Variants in THBS1 observed in about 807,000 individuals in gnomAD.
The protein encoded by THBS1 is thrombospondin 1.
Under a neutral mutation model 126.1 loss-of-function variants are expected in THBS1, and 29 were observed. The ratio of observed to expected loss-of-function variants is 0.23; its 90% CI spans 0.17 to 0.31. The LOEUF (loss-of-function observed/expected upper bound fraction) is 0.31, where lower values mean the gene tolerates loss of function less well. THBS1 is among the 10% of genes least tolerant of loss of function. The probability of loss-of-function intolerance (pLI) is 1.00; values close to 1 mark genes in which losing one functional copy is unlikely to be tolerated. For missense variants in THBS1, 1,198 were observed against 1,545.2 expected, an observed-to-expected ratio of 0.78 and a Z score of 3.77; for synonymous variants, 496 against 577.8, an observed-to-expected ratio of 0.86 and a Z score of 2.03.
chr15:39,595,439 T>C lies in THBS1; in HGVS notation c.*70T>C, dbSNP rs1388780608. 6.8e-7 allele frequency: 1 copy of C among 1,480,918 alleles called. No homozygotes were observed. Among genetic ancestry groups the C allele is most frequent in the Non-Finnish European group, 9.0e-7 (1 of 1,113,554 alleles). 91.7% of individuals were successfully genotyped at this position (1,480,918 alleles called of 1,614,324 possible). A position where few individuals can be genotyped will look rare whatever the true frequency, so the allele number is the denominator to read the frequency against. On this transcript the variant is annotated 3_prime_UTR_variant, in exon 22 of 22. Coordinates refer to ENST00000260356, the MANE Select transcript of THBS1 (RefSeq NM_003246.4). ...TATTGCACCTTCTGGAACTATGGGC[T>C]TGAGAAAACCCCCAGGATCACTTCT... is the stretch of plus-strand genomic sequence containing the variant.
At position 39,593,084 on chromosome 15, in the gene THBS1, A is replaced by G. The variant is rs773384231; in HGVS notation, c.2852A>G (p.Asp951Gly). The change falls in exon 18 of 22, where the codon GAC becomes GGC. Residue 951 changes from aspartate to glycine, a missense_variant. Physicochemically the swap from Asp to Gly is moderately conservative, Grantham distance 94. Around this residue, in one of 4 missense-constraint regions of THBS1, gnomAD observed 255 missense variants for 373.9 expected, o/e 0.68. Coordinates refer to ENST00000260356, the MANE Select transcript of THBS1 (RefSeq NM_003246.4). The surrounding 1 kb of genome is among the most constrained non-coding windows in gnomAD (Gnocchi z 5.9). ...DIDDICPENV[D>G]ISETDFRRFQ... ...GATGACATCTGTCCTGAGAATGTTG[A>G]CATCAGTGAGACCGATTTCCGCCGA... is the stretch of plus-strand genomic sequence containing the variant. The G allele has an allele frequency of 1.9e-6, 3 of 1,600,886 alleles. No homozygotes were observed. Among genetic ancestry groups the G allele is most frequent in the East Asian group, 2.2e-5 (1 of 44,852 alleles).
rs201837685 is a variant in THBS1 at position 39,588,604 on chromosome 15, G to A, written c.1550G>A (p.Arg517His). ...TCGGGVQKRS[R>H]LCNNPTPQFG... ...GGAGGAGGGGTACAGAAACGTAGTC[G>A]TCTCTGCAACAACCCCACACCCCAG... Residue 517 changes from arginine (R) to histidine (H), a missense_variant, in exon 10 of 22, where the codon CGT becomes CAT. Arg to His is a conservative substitution (Grantham distance 29, BLOSUM62 0). Transcript: ENST00000260356. 1.6e-4 allele frequency: 259 copies of A among 1,610,688 alleles called. No individual in the cohort carries two copies. The highest frequency in any genetic ancestry group is 3.1e-4 in the East Asian group (14 of 44,862).
At position 39,593,714 on chromosome 15, in the gene THBS1, G is replaced by A. The variant is rs1267629858; in HGVS notation, c.3267+46G>A. On this transcript the variant is annotated intron_variant, in intron 19 of 21. Coordinates refer to ENST00000260356, the MANE Select transcript of THBS1 (RefSeq NM_003246.4). This position sits in a 1 kb window ranked among gnomAD's most constrained non-coding sequence, Gnocchi z 5.9. ...ACAGAGAGAGAGCTTATGGGTGCCTGACTAGCACTGGGGATGCTGTGCTTT... is the reference window on the plus strand; with the variant it reads ...ACAGAGAGAGAGCTTATGGGTGCCTAACTAGCACTGGGGATGCTGTGCTTT... The A allele has an allele frequency of 1.3e-6, 2 of 1,597,646 alleles. No individual in the cohort carries two copies. The highest frequency in any genetic ancestry group is 2.2e-5 in the East Asian group (1 of 44,708).
At chr15:39,590,406 G>C in intron 13 of THBS1, 110 bp from the exon 14 acceptor site, 2 of 848,786 alleles carry the variant, frequency 2.4e-6, no homozygotes, top group East Asian at 5.4e-5. Flanking sequence ...TGCTGTTACT[G>C]AGCCAAATTC....
chr15:39,582,890 G>A, intron 3 of THBS1, 138 bp downstream of exon 3: 1 of 1,025,126 alleles, frequency 9.8e-7, no homozygotes, highest in Non-Finnish European at 1.4e-6. Flanking sequence ...TCACCTGGAG[G>A]GCTTGTGAAA....
At position 39,588,076 on chromosome 15, in the gene THBS1, G is replaced by A. The variant is rs35275624; in HGVS notation, c.1329G>A (p.Pro443=). 163,891 of 1,614,064 alleles carry A rather than the reference G, an allele frequency of 0.1. 9,422 individuals carry two copies. The highest frequency in any genetic ancestry group is 0.12 in the Non-Finnish European group (141,717 of 1,179,962). The part of the protein sequence containing the change: ...KQDGGWSHWS[P]WSSCSVTCGD... ...ATGGTGGCTGGAGCCACTGGTCCCCGTGGTCATCTTGTTCTGTGACATGTG... is the reference window on the plus strand; with the variant it reads ...ATGGTGGCTGGAGCCACTGGTCCCCATGGTCATCTTGTTCTGTGACATGTG... Residue 443 remains proline, a synonymous_variant, in exon 9 of 22, where the codon CCG becomes CCA. Transcript: ENST00000260356.
At chr15:39,587,213 A>G (rs1037624523) in intron 7 of THBS1, 134 bp from the exon 8 acceptor site, 1 of 744,336 alleles carries the variant, frequency 1.3e-6, no homozygotes, top group Non-Finnish European at 2.1e-6. Context: ...TGTCAATTAT[A>G]CCTCAGTAAA....
Position 39,581,131 on chromosome 15 carries a change from G to T in THBS1, c.-127G>T. On this transcript the variant is annotated 5_prime_UTR_variant, in exon 1 of 22. Coordinates refer to ENST00000260356, the MANE Select transcript of THBS1 (RefSeq NM_003246.4). The stretch of plus-strand genomic sequence containing the variant: ...GTTCAGGGCTCCTGTCGCTCTCCAG[G>T]AGCAACCTCTACTCCGGACGCACAG... 6.5e-6 allele frequency: 1 copy of T among 153,294 alleles called. No individual in the cohort carries two copies. Among genetic ancestry groups the T allele is most frequent in the South Asian group, 1.9e-4 (1 of 5,392 alleles). 9.5% of individuals were successfully genotyped at this position (153,294 alleles called of 1,614,324 possible).
rs747955621 is a variant in THBS1, at chr15:39,594,280, C to T, written c.3366-21C>T. On this transcript the variant is annotated intron_variant, in intron 20 of 21. Coordinates refer to ENST00000260356, the MANE Select transcript of THBS1 (RefSeq NM_003246.4). This position sits in a 1 kb window ranked among gnomAD's most constrained non-coding sequence, Gnocchi z 4.4. ...AGTATTAAATAGCATTGTCACTAAA[C>T]AAGATTTTTTTTCCCTGCAGAGTGG... 1.2e-6 allele frequency: 2 copies of T among 1,613,844 alleles called. No homozygotes were observed. Among genetic ancestry groups the T allele is most frequent in the African/African-American group, 1.3e-5 (1 of 75,010 alleles).
At chr15:39,584,496 A>G in intron 6 of THBS1, 74 bp downstream of exon 6, 2 of 1,579,108 alleles carry the variant, frequency 1.3e-6, no homozygotes, top group Non-Finnish European at 1.7e-6. Context: ...GAAATACCCT[A>G]ATCGCCACAG....
Position 39,589,896 on chromosome 15 carries a change from T to C in THBS1, c.2018T>C (p.Met673Thr), listed in dbSNP as rs758701319. ...TACCTGGGCCACTATAGCGACCCCA[T>C]GTACCGCTGCGAGTGCAAGCCTGGC... ...CNYLGHYSDP[M>T]YRCECKPGYA... The change falls in exon 13 of 22, where the codon ATG (methionine) becomes ACG (threonine). Residue 673 changes from methionine (M) to threonine (T), a missense_variant. Coordinates refer to ENST00000260356, the MANE Select transcript of THBS1 (RefSeq NM_003246.4). The surrounding 1 kb of genome is among the most constrained non-coding windows in gnomAD (Gnocchi z 4.7). 7.4e-6 allele frequency: 12 copies of C among 1,614,194 alleles called. No individual in the cohort carries two copies. The East Asian group carries it at 1.1e-4, about 15-fold the overall frequency.
intron 16 of THBS1, among the ~76,000 whole-genome samples, chr15:39,591,972 G>C (rs928931779): frequency 1.3e-5 from 2 of 152,198 alleles, no homozygotes; most frequent in Non-Finnish European, 1.5e-5. Context: ...AATACTAAGA[G>C]ATGGAAAAAT....
In THBS1 at chr15:39,590,632, A is replaced by T. The variant is rs1221858670; in HGVS notation, c.2253+9A>T. The T allele has an allele frequency of 6.2e-7, 1 of 1,610,658 alleles. No homozygotes were observed. ...AAATTCCAGATGACAGGGTAAAAACAGTTTTCTATCCCTTTTTCATCTTTT... is the reference window on the plus strand; with the variant it reads ...AAATTCCAGATGACAGGGTAAAAACTGTTTTCTATCCCTTTTTCATCTTTT... On this transcript the variant is annotated intron_variant, in intron 14 of 21. Coordinates refer to ENST00000260356, the MANE Select transcript of THBS1 (RefSeq NM_003246.4).
rs942389982 is a variant in THBS1 at position 39,597,662 on chromosome 15, A to G, written c.*2293A>G. 2.0e-5 allele frequency: 3 copies of G among 152,222 alleles called. No individual in the cohort carries two copies. Among genetic ancestry groups the G allele is most frequent in the Admixed American group, 1.3e-4 (2 of 15,280 alleles). The allele number at this position is 152,222 out of a possible 1,614,324, so 9.4% of individuals were successfully genotyped here. ...TTAGAATTTGCTGCGTTTGTGGAATAAAAGAACAAAATGATACATTAGCCT... is the reference window on the plus strand; with the variant it reads ...TTAGAATTTGCTGCGTTTGTGGAATGAAAGAACAAAATGATACATTAGCCT... On this transcript the variant is annotated 3_prime_UTR_variant, in exon 22 of 22. Transcript: ENST00000260356.
rs758463901 is a variant in THBS1 at position 39,593,245 on chromosome 15, A to C, written c.2995+18A>C. The stretch of plus-strand genomic sequence containing the variant: ...CGCTGTAGGTGAGTAGCGAGTTCTT[A>C]GATCCTAAGAGACTGATGCATACAT... On this transcript the variant is annotated intron_variant, in intron 18 of 21. Transcript: ENST00000260356. This position sits in a 1 kb window ranked among gnomAD's most constrained non-coding sequence, Gnocchi z 5.9. 3 of 1,612,782 alleles carry C rather than the reference A, an allele frequency of 1.9e-6. No homozygotes were observed. Among genetic ancestry groups the C allele is most frequent in the African/African-American group, 2.7e-5 (2 of 74,904 alleles).
Position 39,582,186 on chromosome 15 carries a change from C to CTGT in THBS1, c.68-6_68-5insGTT. ...AAGCTCACTTTGTGTTCTCTCCTGTCTAACAGAGTCTGGCGGAGACAACAG... is the reference window on the plus strand; with the variant it reads ...AAGCTCACTTTGTGTTCTCTCCTGTCTGTTAACAGAGTCTGGCGGAGACAACAG... On this transcript the variant is annotated splice_region_variant and splice_polypyrimidine_tract_variant and intron_variant, in intron 2 of 21. Coordinates refer to ENST00000260356, the MANE Select transcript of THBS1 (RefSeq NM_003246.4). 1 of 1,589,516 alleles carries CTGT rather than the reference C, an allele frequency of 6.3e-7. No homozygotes were observed. The highest frequency in any genetic ancestry group is 8.6e-7 in the Non-Finnish European group (1 of 1,167,962).
At position 39,582,324 on chromosome 15, in the gene THBS1, A is replaced by C. The variant is rs1466817108; in HGVS notation, c.199A>C (p.Ile67Leu). The C allele has an allele frequency of 6.2e-7, 1 of 1,614,072 alleles. No individual in the cohort carries two copies. Among genetic ancestry groups the C allele is most frequent in the Non-Finnish European group, 8.5e-7 (1 of 1,179,998 alleles). Residue 67 changes from isoleucine to leucine, a missense_variant, in exon 3 of 22, where the codon ATC becomes CTC. Transcript: ENST00000260356. ...PAFRIEDANL[I>L]PPVPDDKFQD... ...TTTCCGCATCGAGGATGCCAACCTG[A>C]TCCCCCCTGTGCCTGATGACAAGTT...
intron 10 of THBS1, 26 bp downstream of exon 10, chr15:39,588,725 C>G (rs376183565): frequency 6.4e-7 from 1 of 1,553,190 alleles, no homozygotes; most frequent in Non-Finnish European, 8.7e-7. Context: ...CAGGATGAAA[C>G]GACCCAGGAG....
intron 9 of THBS1, 27 bp downstream of exon 9, chr15:39,588,245 G>T (rs750569198): frequency 6.2e-7 from 1 of 1,606,214 alleles, no homozygotes. Context: ...CTGCAAGGGT[G>T]AGCATGGGCA....
Sources: allele counts gnomAD v4.1 joint callset (sites outside exome capture counted in the v4.1 genomes callset), GRCh38; gene constraint gnomAD v4.1.1; regional missense constraint gnomAD v4.1.1; non-coding constraint Gnocchi (gnomAD v3.1); transcripts MANE v1.5; gene names NCBI Gene and HGNC (gene_info 2026-07-23, HGNC 2026-07-21).